Variants in SYN3 observed in about 807,000 individuals in gnomAD.
SYN3 encodes synapsin-3.
Under a neutral mutation model 65.8 loss-of-function variants are expected in SYN3, and 35 were observed. That is an observed-to-expected ratio of 0.53 (90% CI 0.41 to 0.70). The LOEUF is 0.70. Among genes scored for constraint, SYN3 ranks in the 30% least tolerant of loss-of-function variants. SYN3 has a pLI of 0.00. For missense variants in SYN3, 680 were observed against 749.0 expected (o/e 0.91, Z 1.08); for synonymous variants, 270 against 292.9 (o/e 0.92, Z 0.80).
intron 1 of SYN3, among the ~76,000 whole-genome samples, chr22:33,030,654 TAGAGAC>T (rs2053735440): frequency 7.3e-6 from 1 of 137,544 alleles, no homozygotes; most frequent in African/African-American, 2.8e-5. Flanking sequence ...TAGAGACTGA[TAGAGAC>T]AGAGAGAGAG....
intron 6 of SYN3, among the ~76,000 whole-genome samples, chr22:32,686,667 G>C (rs1479127054): frequency 2.2e-4 from 2 of 9,194 alleles, no homozygotes; most frequent in African/African-American, 9.6e-4. Flanking sequence ...CATGATCTCG[G>C]CTCACTGCAA....
intron 6 of SYN3, among the ~76,000 whole-genome samples, chr22:32,645,664 G>T (rs1256817727): frequency 6.6e-6 from 1 of 152,200 alleles, no homozygotes; most frequent in African/African-American, 2.4e-5. Context: ...TTGAGCCAGT[G>T]GGCTGCTCTG....
chr22:32,877,327 T>C (rs1235360018), intron 4 of SYN3, among the ~76,000 whole-genome samples: 1 of 152,178 alleles, frequency 6.6e-6, no homozygotes, highest in Non-Finnish European at 1.5e-5. Flanking sequence ...AAGGAAAACC[T>C]ACCATGAATC....
chr22:32,641,315 T>A (rs2059894952), intron 6 of SYN3, among the ~76,000 whole-genome samples: 1 of 151,898 alleles, frequency 6.6e-6, no homozygotes, highest in Non-Finnish European at 1.5e-5. Context: ...AACGTTAAGA[T>A]GTGAGTTCTG....
chr22:32,750,682 A>G (rs1383882768), intron 6 of SYN3, among the ~76,000 whole-genome samples: 1 of 152,190 alleles, frequency 6.6e-6, no homozygotes, highest in Non-Finnish European at 1.5e-5. Flanking sequence ...AGCCAGCTAG[A>G]AGGTGGCTGC....
In SYN3 at chr22:32,665,213, G is replaced by T. The variant is rs986419242; in HGVS notation, c.712-68477C>A. Among the ~76,000 whole-genome samples, 34 of 151,956 alleles carry T rather than the reference G, an allele frequency of 2.2e-4. No individual in the cohort carries two copies. In the South Asian group the frequency reaches 2.9e-3, roughly 13 times the overall value. ...GGGTTTTGCCATGTTGGCCAGGCTG[G>T]TCTTGAACTCCTGGCCTCAGGTGAT... On this transcript the variant is annotated intron_variant, in intron 6 of 13. Coordinates refer to ENST00000358763, the MANE Select transcript of SYN3 (RefSeq NM_003490.4).
chr22:32,508,489 C>T lies in SYN3; in HGVS notation c.*5203G>A, dbSNP rs1039964302. Among the ~76,000 whole-genome samples, 5 of 152,286 alleles carry T rather than the reference C, an allele frequency of 3.3e-5. No homozygotes were observed. Among genetic ancestry groups the T allele is most frequent in the African/African-American group, 9.6e-5 (4 of 41,562 alleles). On this transcript the variant is annotated 3_prime_UTR_variant, in exon 14 of 14. Transcript: ENST00000358763. ...AAGCCTGTTTAGTGGTCTCTTCACA[C>T]AGACGCGCATGAAAGGGGCCCCAAG...
intron 1 of SYN3, among the ~76,000 whole-genome samples, chr22:33,056,818 A>G (rs1211213040): frequency 2.0e-5 from 3 of 152,132 alleles, no homozygotes; most frequent in African/African-American, 4.8e-5. Context: ...TGTTCTTTCT[A>G]CTACACCAAT....
chr22:32,980,412 T>C (rs1012200063), intron 3 of SYN3, among the ~76,000 whole-genome samples: 4 of 152,136 alleles, frequency 2.6e-5, no homozygotes, highest in Non-Finnish European at 5.9e-5. Flanking sequence ...GTAGAATGAG[T>C]TCCTATTTGA....
chr22:33,056,300 T>C (rs1440945671), intron 1 of SYN3, among the ~76,000 whole-genome samples: 1 of 152,196 alleles, frequency 6.6e-6, no homozygotes, highest in Non-Finnish European at 1.5e-5. Context: ...ATATCTACTA[T>C]GCACCAGGCA....
intron 6 of SYN3, chr22:32,802,228 G>A: frequency 6.8e-7 from 1 of 1,462,374 alleles, no homozygotes; most frequent in East Asian, 2.6e-5. Flanking sequence ...CCCAGGAGAG[G>A]GGCAGACGGG....
intron 7 of SYN3, among the ~76,000 whole-genome samples, chr22:32,572,185 T>C (rs867517032): frequency 7.0e-5 from 10 of 141,916 alleles, no homozygotes; most frequent in Admixed American, 3.6e-4. Context: ...ACAGGTAGGT[T>C]TGGGAGAGCT....
At chr22:32,853,200 C>G (rs911751344) in intron 6 of SYN3, among the ~76,000 whole-genome samples, 1 of 152,220 alleles carries the variant, frequency 6.6e-6, no homozygotes, top group Non-Finnish European at 1.5e-5. Context: ...GCCCGTGGTT[C>G]TTCCTGCCTT....
At chr22:32,595,871 G>A (rs2059191535) in intron 7 of SYN3, among the ~76,000 whole-genome samples, 1 of 152,208 alleles carries the variant, frequency 6.6e-6, no homozygotes, top group Admixed American at 6.5e-5. Flanking sequence ...GAGGTCAGGA[G>A]TTTGAGACCA....
intron 1 of SYN3, among the ~76,000 whole-genome samples, chr22:33,007,551 C>T (rs1301793265): frequency 6.6e-6 from 1 of 152,104 alleles, no homozygotes; most frequent in African/African-American, 2.4e-5. Flanking sequence ...GAGGGTGTGG[C>T]CCACGCGATG....
chr22:32,951,401 A>T (rs940477197), intron 3 of SYN3, among the ~76,000 whole-genome samples: 3 of 152,110 alleles, frequency 2.0e-5, no homozygotes, highest in Non-Finnish European at 4.4e-5. Context: ...TTCCTTGCTT[A>T]TTCTTCCCTA....
chr22:32,897,694 G>A (rs1266830672), intron 4 of SYN3, among the ~76,000 whole-genome samples: 1 of 152,156 alleles, frequency 6.6e-6, no homozygotes, highest in Non-Finnish European at 1.5e-5. Context: ...TCATAATAGC[G>A]CTTACCTCAC....
At chr22:32,669,747 T>C (rs2060335890) in intron 6 of SYN3, among the ~76,000 whole-genome samples, 1 of 152,224 alleles carries the variant, frequency 6.6e-6, no homozygotes, top group Non-Finnish European at 1.5e-5. Context: ...CATATGATTA[T>C]GTTCTGGTAA....
At chr22:32,866,316 G>A (rs1014789027) in intron 5 of SYN3, among the ~76,000 whole-genome samples, 10 of 152,116 alleles carry the variant, frequency 6.6e-5, no homozygotes, top group Non-Finnish European at 1.5e-4. Context: ...AAACTCTTGG[G>A]GTATAGCCTT....
Sources: gnomAD v4.1 joint callset for allele counts (sites outside exome capture counted in the v4.1 genomes callset) on GRCh38, gnomAD v4.1.1 for gene constraint, MANE v1.5 for transcripts, NCBI Gene and HGNC (gene_info 2026-07-23, HGNC 2026-07-21) for gene names.